Variants in VPS53 observed in about 807,000 individuals in gnomAD.
The protein encoded by VPS53 is vacuolar protein sorting-associated protein 53 homolog.
In VPS53, 70 loss-of-function variants were observed where a neutral mutation model predicts 107.0. The observed-to-expected ratio is 0.65, with a 90% CI of 0.54 to 0.80. The LOEUF is 0.80. VPS53 is among the 30% of genes least tolerant of loss of function. VPS53 has a pLI of 0.00. For missense variants in VPS53, 917 were observed against 1,049.4 expected, an observed-to-expected ratio of 0.87 and a Z score of 1.74; for synonymous variants, 409 against 393.3, an observed-to-expected ratio of 1.04 and a Z score of -0.47.
At chr17:692,187 C>A (rs1972798763) in intron 4 of VPS53, among the ~76,000 whole-genome samples, 1 of 152,176 alleles carries the variant, frequency 6.6e-6, no homozygotes, top group Non-Finnish European at 1.5e-5. Context: ...CTTTTTCTTC[C>A]TCTAACCCGC....
intron 12 of VPS53, among the ~76,000 whole-genome samples, chr17:598,355 G>A (rs1033129743): frequency 4.6e-5 from 7 of 152,038 alleles, no homozygotes; most frequent in African/African-American, 1.4e-4. Flanking sequence ...CCAAAGTGCC[G>A]AGATTGCAGC....
intron 12 of VPS53, among the ~76,000 whole-genome samples, chr17:594,372 C>T (rs186504159): frequency 2.0e-4 from 31 of 152,374 alleles, no homozygotes; most frequent in Admixed American, 1.6e-3. Context: ...GGCTGGAGGG[C>T]AACACTGTGT....
At chr17:559,966 A>G (rs1008936752) in intron 15 of VPS53, among the ~76,000 whole-genome samples, 4 of 152,236 alleles carry the variant, frequency 2.6e-5, no homozygotes, top group Non-Finnish European at 5.9e-5. Context: ...CTATTTGTTG[A>G]GGCAGATTGA....
intron 10 of VPS53, among the ~76,000 whole-genome samples, chr17:624,379 G>A (rs547106123): frequency 1.1e-4 from 16 of 152,254 alleles, no homozygotes; most frequent in Admixed American, 2.6e-4. Context: ...GGATCCCTGC[G>A]GGAAAAGTGG....
At chr17:631,325 A>G (rs573412417) in intron 8 of VPS53, among the ~76,000 whole-genome samples, 1 of 151,950 alleles carries the variant, frequency 6.6e-6, no homozygotes, top group African/African-American at 2.4e-5. Context: ...AATTAAGCCC[A>G]AACAAATCCT....
At chr17:583,272 C>G (rs1204101543) in intron 13 of VPS53, among the ~76,000 whole-genome samples, 2 of 149,980 alleles carry the variant, frequency 1.3e-5, no homozygotes, top group Non-Finnish European at 3.0e-5. Context: ...CCCAGAGAAC[C>G]TCCCTCAGAA....
intron 11 of VPS53, among the ~76,000 whole-genome samples, chr17:608,156 G>T (rs1336989486): frequency 8.5e-5 from 13 of 152,088 alleles, no homozygotes; most frequent in Non-Finnish European, 4.4e-5. Context: ...CAAGCCCAGG[G>T]GTTCACACAC....
At chr17:615,949 A>C (rs1969115986) in intron 11 of VPS53, 1 of 152,226 alleles carries the variant, frequency 6.6e-6, no homozygotes, top group African/African-American at 2.4e-5. Context: ...AGGGTCGCAG[A>C]ATAAAGGTGA....
intron 4 of VPS53, among the ~76,000 whole-genome samples, chr17:676,880 G>A (rs1972184646): frequency 6.6e-6 from 1 of 151,322 alleles, no homozygotes; most frequent in Admixed American, 6.6e-5. Flanking sequence ...ATCTCCATGA[G>A]TAGGCACTAC....
intron 12 of VPS53, among the ~76,000 whole-genome samples, chr17:598,097 G>A (rs942759248): frequency 7.9e-5 from 12 of 152,110 alleles, no homozygotes; most frequent in African/African-American, 2.4e-4. Flanking sequence ...TCAGCCTGCC[G>A]AGTGCCTGCG....
intron 13 of VPS53, among the ~76,000 whole-genome samples, chr17:585,619 G>A (rs1043080945): frequency 2.0e-5 from 3 of 152,128 alleles, no homozygotes; most frequent in Admixed American, 6.6e-5. Flanking sequence ...CCCAGCCTGG[G>A]GGACAGCGTG....
intron 2 of VPS53, among the ~76,000 whole-genome samples, chr17:707,218 C>T (rs1289908575): frequency 2.0e-5 from 3 of 152,132 alleles, no homozygotes; most frequent in Non-Finnish European, 4.4e-5. Context: ...TAAAAATTAT[C>T]CAAGTGAAAA....
rs781583049 is a variant in VPS53 at position 627,242 on chromosome 17, G to A, written c.906C>T (p.Tyr302=). 9 of 1,613,998 alleles carry A rather than the reference G, an allele frequency of 5.6e-6. No individual in the cohort carries two copies. Among genetic ancestry groups the A allele is most frequent in the East Asian group, 4.5e-5 (2 of 44,870 alleles). The change falls in exon 10 of 22, where the codon TAC becomes TAT. Residue 302 remains tyrosine, a synonymous_variant. Transcript: ENST00000437048. ...ACCACTCACGTGGAAACATGCGGCC[G>A]TATTTCTCCTCATAGTCCACAAGCT... is the stretch of plus-strand genomic sequence containing the variant. ...KRQLVDYEEK[Y]GRMFPREWCM...
At chr17:560,878 G>A (rs1487567487) in intron 14 of VPS53, among the ~76,000 whole-genome samples, 1 of 152,220 alleles carries the variant, frequency 6.6e-6, no homozygotes, top group African/African-American at 2.4e-5. Flanking sequence ...ATCTCCTGAT[G>A]TGCAGAACTC....
chr17:546,114 G>A lies in VPS53; in HGVS notation c.1866+5758C>T, dbSNP rs572367954. On this transcript the variant is annotated intron_variant, in intron 17 of 21. Coordinates refer to ENST00000437048, the MANE Select transcript of VPS53 (RefSeq NM_001128159.3). ...ATCATCCAATGTGAAAAGAATAGTC[G>A]TTTCAACAAATAGTGCTGGGAAAGC... Among the ~76,000 whole-genome samples, 198 of 152,234 alleles carry A rather than the reference G, an allele frequency of 1.3e-3. 1 individual carries two copies. Among genetic ancestry groups the A allele is most frequent in the African/African-American group, 4.4e-3 (181 of 41,546 alleles).
chr17:667,317 G>A (rs933567113), intron 4 of VPS53, among the ~76,000 whole-genome samples: 2 of 150,984 alleles, frequency 1.3e-5, no homozygotes, highest in Non-Finnish European at 3.0e-5. Flanking sequence ...TTTTTTTCAA[G>A]AAGTTTTTGC....
intron 7 of VPS53, among the ~76,000 whole-genome samples, chr17:651,847 C>A (rs1288834943): frequency 6.6e-6 from 1 of 152,202 alleles, no homozygotes; most frequent in Non-Finnish European, 1.5e-5. Context: ...CCTCCTCGTC[C>A]TCCCTTGGAA....
rs538869702 is a variant in VPS53, at chr17:508,837, C to T, written c.*10291G>A. ...GGGTTGATACACACACATTTTCATC[C>T]ATAACCTTGGTTTAAAGTGCTTCCT... On this transcript the variant is annotated 3_prime_UTR_variant, in exon 22 of 22. Transcript: ENST00000437048. 5.3e-5 allele frequency: 8 copies of T among 152,326 alleles called. No individual in the cohort carries two copies. In the South Asian group the frequency reaches 1.4e-3, roughly 28 times the overall value. 9.4% of individuals were successfully genotyped at this position (152,326 alleles called of 1,614,324 possible).
At chr17:605,171 A>G (rs1187514452) in intron 11 of VPS53, among the ~76,000 whole-genome samples, 1 of 152,184 alleles carries the variant, frequency 6.6e-6, no homozygotes, top group Non-Finnish European at 1.5e-5. Context: ...TGTACTGGGC[A>G]TCCACTCTGC....
Sources: gnomAD v4.1 joint callset for allele counts (sites outside exome capture counted in the v4.1 genomes callset) on GRCh38, gnomAD v4.1.1 for gene constraint, MANE v1.5 for transcripts, NCBI Gene and HGNC (gene_info 2026-07-23, HGNC 2026-07-21) for gene names.